NBDY: variants seen among roughly 807,000 people sequenced by gnomAD.
NBDY encodes negative regulator of P-body association.
intron 2 of NBDY, among the ~76,000 whole-genome samples, chrX:56,740,272 G>A (rs996945589): frequency 3.6e-5 from 4 of 111,766 alleles, no homozygotes; most frequent in African/African-American, 1.3e-4. Flanking sequence ...TAGAAACTAA[G>A]TCATTGTATA....
intron 1 of NBDY, among the ~76,000 whole-genome samples, chrX:56,730,347 C>T (rs932736732): frequency 9.5e-6 from 1 of 105,626 alleles, no homozygotes; most frequent in East Asian, 2.9e-4. Flanking sequence ...CCCGTCTCTA[C>T]TAAAGTTACA....
chrX:56,767,377 C>G (rs1436394402), intron 2 of NBDY, among the ~76,000 whole-genome samples: 2 of 113,315 alleles, frequency 1.8e-5, no homozygotes. Flanking sequence ...TCGGCATTGG[C>G]GTCCACTCTG....
chrX:56,757,345 A>C (rs1279012442), intron 2 of NBDY, among the ~76,000 whole-genome samples: 5 of 112,215 alleles, frequency 4.5e-5, no homozygotes, highest in Non-Finnish European at 9.4e-5. Flanking sequence ...TTAAATAAGA[A>C]GGCAGCATTG....
intron 2 of NBDY, among the ~76,000 whole-genome samples, chrX:56,760,599 G>T (rs201930374): frequency 8.9e-6 from 1 of 111,975 alleles, no homozygotes. Flanking sequence ...CAGGAGAATC[G>T]CTTGAACCCG....
At chrX:56,733,370 A>C (rs947619197) in intron 2 of NBDY, among the ~76,000 whole-genome samples, 11 of 111,218 alleles carry the variant, frequency 9.9e-5, no homozygotes, top group Non-Finnish European at 2.1e-4. Context: ...TCTGGTATGT[A>C]TAAAGAGTGA....
intron 1 of NBDY, among the ~76,000 whole-genome samples, chrX:56,729,833 T>C (rs1450691582): frequency 8.9e-6 from 1 of 112,161 alleles, no homozygotes; most frequent in African/African-American, 3.2e-5. Context: ...AGAAATAGAC[T>C]TGAATCTTTT....
chrX:56,759,767 C>T (rs756204437), intron 2 of NBDY, among the ~76,000 whole-genome samples: 1 of 111,798 alleles, frequency 8.9e-6, no homozygotes, highest in South Asian at 3.8e-4. Context: ...CAGGATGGCG[C>T]CTTGGCTCCA....
chrX:56,767,352 G>C (rs1399343729), intron 2 of NBDY, among the ~76,000 whole-genome samples: 2 of 113,159 alleles, frequency 1.8e-5, no homozygotes, highest in African/African-American at 6.4e-5. Flanking sequence ...GCCCTCGCTC[G>C]CTCTCGGCGC....
chrX:56,801,312 TTCC>T (rs973918531), intron 2 of NBDY, among the ~76,000 whole-genome samples: 4 of 111,183 alleles, frequency 3.6e-5, no homozygotes, highest in African/African-American at 3.3e-5. Flanking sequence ...CTTCTTCCTC[TTCC>T]TCCTCCTCCT....
intron 2 of NBDY, among the ~76,000 whole-genome samples, chrX:56,813,374 A>G (rs2069896386): frequency 9.0e-6 from 1 of 110,654 alleles, no homozygotes; most frequent in Non-Finnish European, 1.9e-5. Flanking sequence ...AGCCATGTGA[A>G]CACAACAGCG....
At chrX:56,808,839 T>C (rs2069869251) in intron 2 of NBDY, among the ~76,000 whole-genome samples, 1 of 112,406 alleles carries the variant, frequency 8.9e-6, no homozygotes, top group African/African-American at 3.2e-5. Context: ...CTATTTCTTT[T>C]AAATGTGATA....
At chrX:56,764,742 C>CCATCT (rs1420265610) in intron 2 of NBDY, among the ~76,000 whole-genome samples, 1 of 104,645 alleles carries the variant, frequency 9.6e-6, no homozygotes, top group East Asian at 3.1e-4. Flanking sequence ...CTAGGAGCAC[C>CCATCT]CATCTCACCT....
chrX:56,746,563 A>C (rs770120207), intron 2 of NBDY, among the ~76,000 whole-genome samples: 1 of 111,239 alleles, frequency 9.0e-6, no homozygotes, highest in African/African-American at 3.3e-5. Flanking sequence ...TGAGAAGTCA[A>C]GCTGTTGGCT....
chrX:56,734,796 G>A (rs149260489), intron 2 of NBDY, among the ~76,000 whole-genome samples: 2 of 111,953 alleles, frequency 1.8e-5, no homozygotes, highest in Non-Finnish European at 3.8e-5. Flanking sequence ...GATATTCAGT[G>A]TTTTCCCAAG....
intron 2 of NBDY, among the ~76,000 whole-genome samples, chrX:56,782,381 C>T (rs937857792): frequency 2.7e-5 from 3 of 111,104 alleles, no homozygotes; most frequent in African/African-American, 6.6e-5. Flanking sequence ...TTTGCCTCTG[C>T]TTCTCTTTTT....
intron 2 of NBDY, among the ~76,000 whole-genome samples, chrX:56,756,377 G>T (rs1418774496): frequency 5.6e-5 from 6 of 106,905 alleles, no homozygotes; most frequent in Non-Finnish European, 1.2e-4. Flanking sequence ...ACAATTAAAA[G>T]ATCCATTTGG....
At chrX:56,737,110 G>A in intron 2 of NBDY, 6 of 491,489 alleles carry the variant, frequency 1.2e-5, no homozygotes, top group Non-Finnish European at 1.9e-5. Flanking sequence ...TATAAGGTTT[G>A]GAATAACTCC....
intron 2 of NBDY, among the ~76,000 whole-genome samples, chrX:56,799,711 TG>T (rs1388263180): frequency 2.7e-5 from 3 of 113,026 alleles, no homozygotes; most frequent in Non-Finnish European, 5.6e-5. Flanking sequence ...TCCTCCACTT[TG>T]CCTTTCTCTC....
intron 2 of NBDY, among the ~76,000 whole-genome samples, chrX:56,783,906 AC>A (rs2069712006): frequency 8.9e-6 from 1 of 112,507 alleles, no homozygotes; most frequent in Non-Finnish European, 1.9e-5. Context: ...AGGGCTCCCC[AC>A]CTACGTGGTC....
Sources: allele counts gnomAD v4.1 joint callset (sites outside exome capture counted in the v4.1 genomes callset), GRCh38; gene constraint gnomAD v4.1.1; transcripts MANE v1.5; gene names NCBI Gene and HGNC (gene_info 2026-07-23, HGNC 2026-07-21).